The following ZNF773 variants were observed in gnomAD, a reference collection of about 807,000 sequenced individuals.
ZNF773 encodes zinc finger protein 773.
A neutral mutation model predicts 12.8 loss-of-function variants in ZNF773; 11 were observed. That is an observed-to-expected ratio of 0.86 (90% CI 0.54 to 1.42). The LOEUF (loss-of-function observed/expected upper bound fraction) is 1.42, where lower values mean the gene tolerates loss of function less well. Among genes scored for constraint, ZNF773 ranks in the 40% most tolerant of loss-of-function variants. The probability of loss-of-function intolerance (pLI) is 0.00; values close to 1 mark genes in which losing one functional copy is unlikely to be tolerated. For missense variants in ZNF773, 518 were observed against 527.2 expected, an observed-to-expected ratio of 0.98 and a Z score of 0.17; for synonymous variants, 175 against 178.4, an observed-to-expected ratio of 0.98 and a Z score of 0.15.
At chr19:57,518,243 T>A (rs1312819102) in exon 5 of ZNF773, 1 of 152,202 alleles carries the variant, frequency 6.6e-6, no homozygotes, top group Non-Finnish European at 1.5e-5. Flanking sequence ...GTGTTCCTTG[T>A]GGTTATCTAT....
At chr19:57,503,878 G>A (rs914145525) in intron 1 of ZNF773, among the ~76,000 whole-genome samples, 2 of 152,006 alleles carry the variant, frequency 1.3e-5, no homozygotes, top group East Asian at 3.9e-4. Flanking sequence ...GGCTGGTCTC[G>A]AACTCCTGAT....
chr19:57,510,875 A>C (rs2089788689), downstream of ZNF773, among the ~76,000 whole-genome samples: 1 of 150,548 alleles, frequency 6.6e-6, no homozygotes, highest in Admixed American at 6.6e-5. Context: ...CCTGAATCTG[A>C]GATTTAATAT....
chr19:57,500,803 T>C (rs2089660933), intron 1 of ZNF773, among the ~76,000 whole-genome samples: 1 of 152,040 alleles, frequency 6.6e-6, no homozygotes, highest in African/African-American at 2.4e-5. Flanking sequence ...AGTGGAGGTG[T>C]CATGTCCACA....
chr19:57,507,249 A>T lies in ZNF773; in HGVS notation c.1154A>T (p.Lys385Ile), dbSNP rs1043315604. The change falls in exon 4 of 4, where the codon AAA becomes ATA. Residue 385 changes from lysine to isoleucine, a missense_variant. Lys to Ile is a moderately radical substitution (Grantham distance 102, BLOSUM62 -3). Coordinates refer to ENST00000282292, the MANE Select transcript of ZNF773 (RefSeq NM_198542.3). ...CATCGAAAAGTTCACACTGGAGAAA[A>T]ACCTTTTAAGTGCAATGAATGTGGG... ...MQHRKVHTGE[K>I]PFKCNECGRF... is the part of the protein sequence containing the mutation. The T allele has an allele frequency of 2.5e-6, 4 of 1,610,572 alleles. No homozygotes were observed. The highest frequency in any genetic ancestry group is 3.4e-6 in the Non-Finnish European group (4 of 1,177,590).
At chr19:57,513,756 AAAAGTC>A (rs2089814935), downstream of ZNF773, 1 of 152,276 alleles carries the variant, frequency 6.6e-6, no homozygotes, top group Non-Finnish European at 1.5e-5. Flanking sequence ...GTAATACCAA[AAAAGTC>A]AGGAAAATGG....
chr19:57,507,604 C>A lies in ZNF773; in HGVS notation c.*180C>A. ...TATGGTAAAAGGCCTCAGCCAAAGG[C>A]CTAACCGTATTCAACACCAGAAAGT... On this transcript the variant is annotated 3_prime_UTR_variant, in exon 4 of 4. Coordinates refer to ENST00000282292, the MANE Select transcript of ZNF773 (RefSeq NM_198542.3). 1.4e-6 allele frequency: 2 copies of A among 1,404,726 alleles called. No individual in the cohort carries two copies. Among genetic ancestry groups the A allele is most frequent in the Non-Finnish European group, 1.8e-6 (2 of 1,087,362 alleles). The allele number at this position is 1,404,726 out of a possible 1,614,324, so 87.0% of individuals were successfully genotyped here. A position where few individuals can be genotyped will look rare whatever the true frequency, so the allele number is the denominator to read the frequency against.
chr19:57,510,023 G>C (rs2089782696), downstream of ZNF773, among the ~76,000 whole-genome samples: 1 of 152,178 alleles, frequency 6.6e-6, no homozygotes, highest in Non-Finnish European at 1.5e-5. Flanking sequence ...TATAGACAGA[G>C]CCTTAACAAA....
downstream of ZNF773, among the ~76,000 whole-genome samples, chr19:57,509,950 G>A (rs566248429): frequency 6.6e-6 from 1 of 152,268 alleles, no homozygotes; most frequent in Non-Finnish European, 1.5e-5. Context: ...CTATATGAAA[G>A]TTATCATTAA....
chr19:57,517,665 A>G (rs2089839998), downstream of ZNF773: 1 of 152,234 alleles, frequency 6.6e-6, no homozygotes, highest in Non-Finnish European at 1.5e-5. Context: ...CAGCAATTGC[A>G]TTGTCATTTT....
Position 57,506,915 on chromosome 19 carries a change from C to T in ZNF773, c.820C>T (p.Pro274Ser), listed in dbSNP as rs775678935. Reference sequence around the variant, plus strand: ...CCAGAGAGTTCACACTGGAGAAAAGCCTTTTACATGCAGTGAATGTGGAAA... The same window carrying T: ...CCAGAGAGTTCACACTGGAGAAAAGTCTTTTACATGCAGTGAATGTGGAAA... ...QHQRVHTGEK[P>S]FTCSECGKAF... The change falls in exon 4 of 4, where the codon CCT becomes TCT. Residue 274 changes from proline (P) to serine (S), a missense_variant. Transcript: ENST00000282292. 9 of 1,614,142 alleles carry T rather than the reference C, an allele frequency of 5.6e-6. No individual in the cohort carries two copies. The Admixed American group carries it at 1.5e-4, about 27-fold the overall frequency.
chr19:57,509,975 G>A (rs1274957605), downstream of ZNF773, among the ~76,000 whole-genome samples: 1 of 152,178 alleles, frequency 6.6e-6, no homozygotes, highest in Non-Finnish European at 1.5e-5. Flanking sequence ...ACAGCAAAGA[G>A]GCAATGACAT....
intron 3 of ZNF773, 104 bp downstream of exon 3, chr19:57,505,504 T>C: frequency 1.6e-6 from 2 of 1,278,590 alleles, no homozygotes; most frequent in Non-Finnish European, 1.1e-6. Flanking sequence ...CAAGGCAAGG[T>C]GTCGTCGCTG....
chr19:57,515,434 C>T (rs1006759893), downstream of ZNF773: 4 of 152,236 alleles, frequency 2.6e-5, no homozygotes, highest in African/African-American at 7.2e-5. Flanking sequence ...CTGTCCCTGG[C>T]GTTGCACCCA....
chr19:57,510,558 C>A (rs1274641566), downstream of ZNF773, among the ~76,000 whole-genome samples: 1 of 152,046 alleles, frequency 6.6e-6, no homozygotes, highest in African/African-American at 2.4e-5. Flanking sequence ...AACCCAAACT[C>A]TTTATTTACA....
At chr19:57,513,352 A>C (rs548261924), downstream of ZNF773, 1 of 276,688 alleles carries the variant, frequency 3.6e-6, no homozygotes, top group Non-Finnish European at 6.7e-6. Flanking sequence ...CCACAGACAG[A>C]CACTCTTGAT....
chr19:57,508,738 A>T (rs1033760850), downstream of ZNF773, among the ~76,000 whole-genome samples: 2 of 149,742 alleles, frequency 1.3e-5, no homozygotes, highest in African/African-American at 5.1e-5. Flanking sequence ...CTAAGTGTGC[A>T]GTAGTATTTC....
intron 1 of ZNF773, among the ~76,000 whole-genome samples, chr19:57,503,910 C>T (rs112377180): frequency 1.1e-4 from 17 of 152,028 alleles, no homozygotes; most frequent in African/African-American, 1.9e-4. Flanking sequence ...CACCTGCCTC[C>T]GCCTCCAAAA....
chr19:57,508,033 TGG>T lies in ZNF773; in HGVS notation c.*614_*615del. The stretch of plus-strand genomic sequence containing the variant: ...GCAGGCAACTGTAGTCCCAGCTACT[TGG>T]GGGGCTGAGGCAGGAGATTTGCTTG... On this transcript the variant is annotated 3_prime_UTR_variant, in exon 4 of 4. Coordinates refer to ENST00000282292, the MANE Select transcript of ZNF773 (RefSeq NM_198542.3). 3.3e-6 allele frequency: 1 copy of T among 301,338 alleles called. No homozygotes were observed. The highest frequency in any genetic ancestry group is 4.7e-6 in the Non-Finnish European group (1 of 212,016). The allele number at this position is 301,338 out of a possible 1,614,324, so 18.7% of individuals were successfully genotyped here.
downstream of ZNF773, among the ~76,000 whole-genome samples, chr19:57,512,457 G>T (rs930161493): frequency 7.1e-6 from 1 of 140,358 alleles, no homozygotes; most frequent in Admixed American, 7.7e-5. Context: ...AGGCTGGAGT[G>T]CAGTGGCATG....
Sources: allele counts gnomAD v4.1 joint callset (sites outside exome capture counted in the v4.1 genomes callset), GRCh38; gene constraint gnomAD v4.1.1; transcripts MANE v1.5; gene names NCBI Gene and HGNC (gene_info 2026-07-23, HGNC 2026-07-21).